Variants in PHACTR2 observed in about 807,000 individuals in gnomAD.
PHACTR2 encodes the protein chromosome 6 open reading frame 56.
PHACTR2 carries 30 observed loss-of-function variants against 76.0 expected under a neutral mutation model. The ratio of observed to expected loss-of-function variants is 0.39; its 90% confidence interval spans 0.30 to 0.54. The LOEUF (loss-of-function observed/expected upper bound fraction) is 0.54. PHACTR2 is among the 20% of genes least tolerant of loss of function. The pLI is 0.61. For synonymous variants in PHACTR2, 292 were observed against 292.5 expected, an observed-to-expected ratio of 1.00 and a Z score of 0.02; for missense variants, 696 against 781.1, an observed-to-expected ratio of 0.89 and a Z score of 1.30.
At chr6:143,628,444 G>A (rs180932934) in intron 1 of PHACTR2, among the ~76,000 whole-genome samples, 3 of 152,238 alleles carry the variant, frequency 2.0e-5, no homozygotes. Flanking sequence ...TGCCTTTACC[G>A]ACTTGTTAGA....
rs369262607 is a variant in PHACTR2, at chr6:143,796,987, C to T, written c.1845+8077C>T. Among the ~76,000 whole-genome samples, 17 of 152,338 alleles carry T rather than the reference C, an allele frequency of 1.1e-4. No individual in the cohort carries two copies. The East Asian group carries it at 2.5e-3, about 22-fold the overall frequency. On this transcript the variant is annotated intron_variant, in intron 11 of 12. Coordinates refer to ENST00000440869, the MANE Select transcript of PHACTR2 (RefSeq NM_001100164.2). ...TCTAGATCCTTGAGGAATCGCCACA[C>T]TGTCTTCCAAATGGTTGAACTAATT...
chr6:143,798,383 C>G (rs1397368933), intron 11 of PHACTR2, among the ~76,000 whole-genome samples: 1 of 152,068 alleles, frequency 6.6e-6, no homozygotes, highest in African/African-American at 2.4e-5. Context: ...ATTTGAATAC[C>G]TTTTATTGCT....
chr6:143,812,832 G>A (rs1562316720), intron 12 of PHACTR2, among the ~76,000 whole-genome samples: 1 of 152,140 alleles, frequency 6.6e-6, no homozygotes, highest in Non-Finnish European at 1.5e-5. Context: ...TCTCGAAGGA[G>A]ACCAACATGG....
chr6:143,628,090 A>G (rs1321143240), intron 1 of PHACTR2, among the ~76,000 whole-genome samples: 3 of 152,214 alleles, frequency 2.0e-5, no homozygotes, highest in African/African-American at 7.2e-5. Context: ...AATGTTTTCA[A>G]GGTTCATCCA....
In PHACTR2 at chr6:143,580,705, A is replaced by G. The variant is rs944931905; in HGVS notation, c.217+43498A>G. ...AAAATAAAATAAAACAATAAAAAAT[A>G]AAAGAAGGGAGCCACTTAGTCCTGG... On this transcript the variant is annotated intron_variant, in intron 1 of 11. Transcript: ENST00000367584. The surrounding 1 kb of genome is among the most constrained non-coding windows in gnomAD (Gnocchi z 4.2). 6.6e-6 allele frequency among the ~76,000 whole-genome samples: 1 copy of G among 152,186 alleles called. No individual in the cohort carries two copies. Among genetic ancestry groups the G allele is most frequent in the Non-Finnish European group, 1.5e-5 (1 of 68,022 alleles).
intron 2 of PHACTR2, among the ~76,000 whole-genome samples, chr6:143,728,809 A>C (rs924856663): frequency 6.6e-6 from 1 of 152,154 alleles, no homozygotes; most frequent in African/African-American, 2.4e-5. Flanking sequence ...ATAGACACCT[A>C]TGTCTCACAG....
chr6:143,565,369 G>A (rs998703861), intron 1 of PHACTR2, among the ~76,000 whole-genome samples: 24 of 152,106 alleles, frequency 1.6e-4, no homozygotes, highest in African/African-American at 3.6e-4. Flanking sequence ...CTGTAATCCC[G>A]GCACTTTGGG....
At position 143,760,695 on chromosome 6, in the gene PHACTR2, A is replaced by G. The variant is rs1367783931; in HGVS notation, c.694+55A>G. On this transcript the variant is annotated intron_variant, in intron 5 of 12. Transcript: ENST00000440869. The surrounding 1 kb of genome is among the most constrained non-coding windows in gnomAD (Gnocchi z 6.4). Reference sequence around the variant, plus strand: ...CACTTCTAGGGTGCTTGGCTCTGGGATGGGGCTAATTGTTTCTTCTAGGTG... The same window carrying G: ...CACTTCTAGGGTGCTTGGCTCTGGGGTGGGGCTAATTGTTTCTTCTAGGTG... The G allele has an allele frequency of 1.3e-5, 20 of 1,581,920 alleles. No individual in the cohort carries two copies. The highest frequency in any genetic ancestry group is 2.2e-5 in the East Asian group (1 of 44,568).
At chr6:143,540,171 A>G (rs902280034) in intron 1 of PHACTR2, among the ~76,000 whole-genome samples, 4 of 152,180 alleles carry the variant, frequency 2.6e-5, no homozygotes, top group Non-Finnish European at 5.9e-5. Flanking sequence ...GATTCCAGCT[A>G]GTTGTCAGAT....
In PHACTR2 at chr6:143,795,954, C is replaced by T. The variant is rs1582889322; in HGVS notation, c.1845+7044C>T. 1.3e-5 allele frequency among the ~76,000 whole-genome samples: 2 copies of T among 152,250 alleles called. No homozygotes were observed. Among genetic ancestry groups the T allele is most frequent in the East Asian group, 3.9e-4 (2 of 5,184 alleles). Reference sequence around the variant, plus strand: ...AGTTTACGATCTAGTCTAAAATTATCCAGTGAAAGAGAGTGTAGAATTTTT... The same window carrying T: ...AGTTTACGATCTAGTCTAAAATTATTCAGTGAAAGAGAGTGTAGAATTTTT... On this transcript the variant is annotated intron_variant, in intron 11 of 12. Transcript: ENST00000440869. The surrounding 1 kb of genome is among the most constrained non-coding windows in gnomAD (Gnocchi z 4.8).
rs1189552677 is a variant in PHACTR2, at chr6:143,777,835, A to G, written c.1645+452A>G. On this transcript the variant is annotated intron_variant, in intron 9 of 12. Transcript: ENST00000440869. This position sits in a 1 kb window ranked among gnomAD's most constrained non-coding sequence, Gnocchi z 4.6. ...GGCTCAATTCAAAACAAAATTTTCA[A>G]TCCATTGCATTTTCCTATGTTATGA... 1.3e-5 allele frequency among the ~76,000 whole-genome samples: 2 copies of G among 152,220 alleles called. No homozygotes were observed. Among genetic ancestry groups the G allele is most frequent in the African/African-American group, 2.4e-5 (1 of 41,472 alleles).
Position 143,598,781 on chromosome 6 carries a change from C to A in PHACTR2, c.217+61574C>A, listed in dbSNP as rs568953045. Among the ~76,000 whole-genome samples the A allele has an allele frequency of 6.6e-6, 1 of 152,144 alleles. No homozygotes were observed. The highest frequency in any genetic ancestry group is 6.5e-5 in the Admixed American group (1 of 15,276). ...CTCCTTTTTTTATGGCTCCCAGGAA[C>A]TTTCTATGACCCCCTTAGAGGAATC... On this transcript the variant is annotated intron_variant, in intron 1 of 11. Coordinates refer to the PHACTR2 transcript ENST00000367584. The surrounding 1 kb of genome is among the most constrained non-coding windows in gnomAD (Gnocchi z 4.1).
At chr6:143,640,919 G>C (rs777718951) in intron 1 of PHACTR2, among the ~76,000 whole-genome samples, 2 of 152,188 alleles carry the variant, frequency 1.3e-5, no homozygotes, top group Non-Finnish European at 2.9e-5. Context: ...AGAGACAGAA[G>C]AGGAGAAAAT....
intron 2 of PHACTR2, among the ~76,000 whole-genome samples, chr6:143,720,906 C>T (rs777593000): frequency 1.3e-5 from 2 of 152,234 alleles, no homozygotes; most frequent in Non-Finnish European, 2.9e-5. Context: ...AGCCACTGCA[C>T]CTGCCTTGGT....
In PHACTR2 at chr6:143,621,743, TA is replaced by T. The variant is rs1776158564; in HGVS notation, c.13+13423del. ...GGTTGATTGTACTTGGCTTGAGTAG[TA>T]AGTATTATGTAACATAGATTCATTT... On this transcript the variant is annotated intron_variant, in intron 1 of 11. Transcript: ENST00000305766. The surrounding 1 kb of genome is among the most constrained non-coding windows in gnomAD (Gnocchi z 4.1). Among the ~76,000 whole-genome samples, 2 of 152,216 alleles carry T rather than the reference TA, an allele frequency of 1.3e-5. No individual in the cohort carries two copies. Among genetic ancestry groups the T allele is most frequent in the South Asian group, 2.1e-4 (1 of 4,832 alleles).
At chr6:143,704,409 G>A (rs936679396) in intron 1 of PHACTR2, among the ~76,000 whole-genome samples, 1 of 152,132 alleles carries the variant, frequency 6.6e-6, no homozygotes, top group Non-Finnish European at 1.5e-5. Context: ...TCTTTCAGCT[G>A]AAATCTTTAC....
intron 6 of PHACTR2, among the ~76,000 whole-genome samples, chr6:143,770,208 A>G (rs945540082): frequency 6.6e-6 from 1 of 152,224 alleles, no homozygotes; most frequent in Non-Finnish European, 1.5e-5. Flanking sequence ...GACATGAATG[A>G]AGGAACCTTG....
In PHACTR2 at chr6:143,671,665, C is replaced by T. The variant is rs114747019; in HGVS notation, c.14-40351C>T. On this transcript the variant is annotated intron_variant, in intron 1 of 11. Coordinates refer to the PHACTR2 transcript ENST00000305766. This position sits in a 1 kb window ranked among gnomAD's most constrained non-coding sequence, Gnocchi z 4.6. ...TTGTATAATTCTGTCTCCTAAGTACCTAGAACAAAGACTGGTAAAAAGGAG... is the reference window on the plus strand; with the variant it reads ...TTGTATAATTCTGTCTCCTAAGTACTTAGAACAAAGACTGGTAAAAAGGAG... Among the ~76,000 whole-genome samples, 12 of 152,172 alleles carry T rather than the reference C, an allele frequency of 7.9e-5. No homozygotes were observed. Among genetic ancestry groups the T allele is most frequent in the African/African-American group, 2.7e-4 (11 of 41,504 alleles).
chr6:143,574,493 C>G (rs1212191339), intron 1 of PHACTR2, among the ~76,000 whole-genome samples: 2 of 152,034 alleles, frequency 1.3e-5, no homozygotes, highest in Admixed American at 1.3e-4. Context: ...AACATTGATA[C>G]CTCTCATAGT....
Sources: allele counts gnomAD v4.1 joint callset (sites outside exome capture counted in the v4.1 genomes callset), GRCh38; gene constraint gnomAD v4.1.1; non-coding constraint Gnocchi (gnomAD v3.1); transcripts MANE v1.5; gene names NCBI Gene and HGNC (gene_info 2026-07-23, HGNC 2026-07-21).